The following NALF1 variants were observed in gnomAD, a reference collection of about 807,000 sequenced individuals.
The protein encoded by NALF1 is family with sequence similarity 155 member A.
NALF1 carries 3 observed loss-of-function variants against 48.4 expected under a neutral mutation model. The ratio of observed to expected loss-of-function variants is 0.06; its 90% CI spans 0.03 to 0.16. The LOEUF is 0.16. Among genes scored for constraint, NALF1 ranks in the 10% least tolerant of loss-of-function variants. The pLI is 1.00. For synonymous variants in NALF1, 262 were observed against 245.7 expected, an observed-to-expected ratio of 1.07 and a Z score of -0.62; for missense variants, 526 against 571.5, an observed-to-expected ratio of 0.92 and a Z score of 0.81.
intron 1 of NALF1, among the ~76,000 whole-genome samples, chr13:107,374,710 T>C (rs1343453164): frequency 6.6e-6 from 1 of 151,920 alleles, no homozygotes; most frequent in African/African-American, 2.4e-5. Context: ...GGTGTTTAGG[T>C]CATGAGGCCA....
chr13:107,596,096 A>T (rs1392698416), intron 1 of NALF1, among the ~76,000 whole-genome samples: 2 of 152,204 alleles, frequency 1.3e-5, no homozygotes, highest in East Asian at 1.9e-4. Context: ...TCAGTGGAGG[A>T]GGAATGATCT....
chr13:107,515,632 G>A (rs1462882457), intron 1 of NALF1, among the ~76,000 whole-genome samples: 1 of 152,128 alleles, frequency 6.6e-6, no homozygotes, highest in African/African-American at 2.4e-5. Flanking sequence ...TCTTACGCAT[G>A]TATTCTGTAA....
intron 1 of NALF1, among the ~76,000 whole-genome samples, chr13:107,587,653 T>TA (rs1408320531): frequency 4.6e-5 from 7 of 152,150 alleles, no homozygotes; most frequent in Non-Finnish European, 7.4e-5. Flanking sequence ...CAGGTGATTT[T>TA]AAAAAAAGTC....
intron 1 of NALF1, among the ~76,000 whole-genome samples, chr13:107,216,928 T>C (rs894950161): frequency 2.6e-5 from 4 of 152,176 alleles, no homozygotes; most frequent in Admixed American, 6.5e-5. Context: ...AAATAGAGAA[T>C]GTGCCCATCC....
intron 1 of NALF1, among the ~76,000 whole-genome samples, chr13:107,263,792 T>A (rs1253531235): frequency 6.6e-6 from 1 of 152,164 alleles, no homozygotes; most frequent in Non-Finnish European, 1.5e-5. Flanking sequence ...GAAAATGGAC[T>A]AAGACAATGG....
At chr13:107,518,637 T>C (rs1426681303) in intron 1 of NALF1, among the ~76,000 whole-genome samples, 2 of 152,078 alleles carry the variant, frequency 1.3e-5, no homozygotes, top group Admixed American at 6.6e-5. Flanking sequence ...TAAGGGACAG[T>C]AGATACACAT....
intron 1 of NALF1, among the ~76,000 whole-genome samples, chr13:107,564,937 A>G (rs1216852738): frequency 1.3e-5 from 2 of 152,008 alleles, no homozygotes; most frequent in Admixed American, 1.3e-4. Context: ...TGCCTCTACT[A>G]CTGGGACCAC....
chr13:107,675,585 A>G (rs909910008), intron 1 of NALF1, among the ~76,000 whole-genome samples: 1 of 152,202 alleles, frequency 6.6e-6, no homozygotes, highest in African/African-American at 2.4e-5. Context: ...GTTTCATTAA[A>G]TGATTTCTTT....
chr13:107,363,435 A>G (rs1883100160), intron 1 of NALF1, among the ~76,000 whole-genome samples: 1 of 152,132 alleles, frequency 6.6e-6, no homozygotes, highest in Non-Finnish European at 1.5e-5. Context: ...TTCTACAAAA[A>G]TAAAAGTAAA....
In NALF1 at chr13:107,421,905, G is replaced by C. The variant is rs112760173; in HGVS notation, c.916-211150C>G. On this transcript the variant is annotated intron_variant, in intron 1 of 2. Coordinates refer to ENST00000375915, the MANE Select transcript of NALF1 (RefSeq NM_001080396.3). The stretch of plus-strand genomic sequence containing the variant: ...AGTCCTAGTACAAAACTTTGGAACA[G>C]GCAAAATGACAACACTGGGGATTGA... 3.1e-3 allele frequency among the ~76,000 whole-genome samples: 468 copies of C among 152,284 alleles called. 2 individuals carry two copies. The highest frequency in any genetic ancestry group is 4.6e-3 in the Admixed American group (71 of 15,288).
At chr13:107,821,272 T>C (rs1879353552) in intron 1 of NALF1, among the ~76,000 whole-genome samples, 1 of 152,198 alleles carries the variant, frequency 6.6e-6, no homozygotes, top group African/African-American at 2.4e-5. Context: ...ACTACTGAAA[T>C]ACCAATGTGC....
chr13:107,458,816 T>A (rs750914386), intron 1 of NALF1, among the ~76,000 whole-genome samples: 1 of 152,190 alleles, frequency 6.6e-6, no homozygotes, highest in African/African-American at 2.4e-5. Flanking sequence ...AGAGAGACAT[T>A]ATTTAATATT....
chr13:107,177,857 C>T (rs1450292172), intron 2 of NALF1, among the ~76,000 whole-genome samples: 1 of 152,158 alleles, frequency 6.6e-6, no homozygotes, highest in Non-Finnish European at 1.5e-5. Context: ...TGAGACCACC[C>T]TGGCCAACAT....
chr13:107,235,181 T>C lies in NALF1; in HGVS notation c.916-24426A>G, dbSNP rs78007651. On this transcript the variant is annotated intron_variant, in intron 1 of 2. Transcript: ENST00000375915. ...TATTAGAAATCTTAGTAGAAATCCA[T>C]AAAACAAGTAATATTTATGATCAGA... Among the ~76,000 whole-genome samples, 1,093 of 152,310 alleles carry C rather than the reference T, an allele frequency of 7.2e-3. 9 individuals are homozygous for C. Among genetic ancestry groups the C allele is most frequent in the African/African-American group, 0.025 (1,020 of 41,552 alleles).
At chr13:107,204,339 C>T (rs752764079) in intron 2 of NALF1, among the ~76,000 whole-genome samples, 4 of 152,324 alleles carry the variant, frequency 2.6e-5, no homozygotes, top group South Asian at 2.1e-4. Flanking sequence ...CCATCTAGCT[C>T]GGGCCTCTGC....
chr13:107,773,535 T>C (rs1243067269), intron 1 of NALF1, among the ~76,000 whole-genome samples: 2 of 152,156 alleles, frequency 1.3e-5, no homozygotes, highest in African/African-American at 4.8e-5. Context: ...TTCCTGTATT[T>C]TGAATAATTT....
chr13:107,225,261 G>A (rs1352012967), intron 1 of NALF1, among the ~76,000 whole-genome samples: 4 of 152,016 alleles, frequency 2.6e-5, no homozygotes, highest in African/African-American at 7.2e-5. Flanking sequence ...CACCCGCCTC[G>A]GCCTCCCAAA....
chr13:107,810,620 C>A (rs554014736), intron 1 of NALF1, among the ~76,000 whole-genome samples: 6 of 152,080 alleles, frequency 3.9e-5, no homozygotes, highest in Non-Finnish European at 7.4e-5. Context: ...TTCAAAAAAT[C>A]TTCTTCCGTT....
At chr13:107,712,200 T>G (rs1875613765) in intron 1 of NALF1, among the ~76,000 whole-genome samples, 1 of 152,218 alleles carries the variant, frequency 6.6e-6, no homozygotes, top group African/African-American at 2.4e-5. Flanking sequence ...ATTGTCCTAA[T>G]TGACCAGTGA....
Sources: allele counts gnomAD v4.1 joint callset (sites outside exome capture counted in the v4.1 genomes callset), GRCh38; gene constraint gnomAD v4.1.1; transcripts MANE v1.5; gene names NCBI Gene and HGNC (gene_info 2026-07-23, HGNC 2026-07-21).